The following RIMS1 variants were observed in gnomAD, a reference collection of about 807,000 sequenced individuals.
The protein encoded by RIMS1 is regulating synaptic membrane exocytosis 1.
Under a neutral mutation model 214.1 loss-of-function variants are expected in RIMS1, and 83 were observed. The observed-to-expected ratio is 0.39, with a 90% CI of 0.32 to 0.47. RIMS1 has a LOEUF of 0.47. Ranked by LOEUF, RIMS1 falls within the 20% of genes least tolerant of loss-of-function variation. The pLI is 0.99. For synonymous variants in RIMS1, 793 were observed against 786.8 expected (o/e 1.01, Z -0.13); for missense variants, 2,050 against 2,161.8 (o/e 0.95, Z 1.03).
intron 2 of RIMS1, among the ~76,000 whole-genome samples, chr6:72,009,159 G>C (rs1809188942): frequency 6.6e-6 from 1 of 152,290 alleles, no homozygotes; most frequent in East Asian, 1.9e-4. Context: ...TAGAACTCAG[G>C]ATTAAGAAAC....
At position 72,116,708 on chromosome 6, in the gene RIMS1, G is replaced by T. The variant is rs190229904; in HGVS notation, c.471+16722G>T. ...ATAGCCATAGATAATACAAATAGAT[G>T]TGGCCATGATCCAATAAATTTACAT... On this transcript the variant is annotated intron_variant, in intron 4 of 33. Coordinates refer to ENST00000521978, the MANE Select transcript of RIMS1 (RefSeq NM_014989.7). 4.9e-3 allele frequency among the ~76,000 whole-genome samples: 746 copies of T among 152,042 alleles called. 6 individuals are homozygous for T. The highest frequency in any genetic ancestry group is 0.017 in the African/African-American group (689 of 41,526).
intron 18 of RIMS1, among the ~76,000 whole-genome samples, chr6:72,259,940 G>A (rs1330741466): frequency 1.3e-5 from 2 of 152,134 alleles, no homozygotes; most frequent in Non-Finnish European, 2.9e-5. Flanking sequence ...AGGACACAAA[G>A]TAGAACTTCT....
At chr6:72,016,603 A>G (rs1236505048) in intron 2 of RIMS1, among the ~76,000 whole-genome samples, 1 of 152,194 alleles carries the variant, frequency 6.6e-6, no homozygotes, top group Non-Finnish European at 1.5e-5. Context: ...GTTAATTTCA[A>G]AAGTTCTCAA....
At position 72,299,184 on chromosome 6, in the gene RIMS1, A is replaced by G. The variant is rs748891155; in HGVS notation, c.3850+7138A>G. 9.9e-5 allele frequency among the ~76,000 whole-genome samples: 15 copies of G among 152,078 alleles called. 1 individual carries two copies. The South Asian group carries it at 2.5e-3, about 25-fold the overall frequency. On this transcript the variant is annotated intron_variant, in intron 26 of 33. Transcript: ENST00000521978. ...GAAATTAAATGACTTCAAGGTGAGA[A>G]AAATGTTATTGTCGTAATAAATTTA...
intron 9 of RIMS1, among the ~76,000 whole-genome samples, chr6:72,241,192 T>C (rs887287573): frequency 6.6e-6 from 1 of 152,194 alleles, no homozygotes; most frequent in Non-Finnish European, 1.5e-5. Flanking sequence ...TAGGTATACA[T>C]TGAAAAGATT....
chr6:71,956,122 A>G (rs531852151), intron 1 of RIMS1, among the ~76,000 whole-genome samples: 90 of 152,234 alleles, frequency 5.9e-4, no homozygotes, highest in African/African-American at 2.1e-3. Flanking sequence ...TGTATGTATG[A>G]ACAGTAGAAA....
chr6:72,342,384 G>A (rs941496660), intron 29 of RIMS1, among the ~76,000 whole-genome samples: 1 of 151,682 alleles, frequency 6.6e-6, no homozygotes, highest in East Asian at 1.9e-4. Context: ...AGGGCTAAAA[G>A]GTCTACAATG....
intron 1 of RIMS1, among the ~76,000 whole-genome samples, chr6:71,959,413 G>A (rs1792244445): frequency 6.6e-6 from 1 of 152,040 alleles, no homozygotes; most frequent in South Asian, 2.1e-4. Flanking sequence ...TCCCAGATGA[G>A]GGAGGAAAAT....
intron 2 of RIMS1, among the ~76,000 whole-genome samples, chr6:72,037,616 A>T (rs1820028760): frequency 6.6e-6 from 1 of 152,086 alleles, no homozygotes; most frequent in South Asian, 2.1e-4. Flanking sequence ...GTAGACCATG[A>T]AACCATCATT....
chr6:72,109,703 T>G lies in RIMS1; in HGVS notation c.471+9717T>G, dbSNP rs546771387. ...GTTGCTGTGCAGAAGCTCTTTAGTT[T>G]AATTAGATCCCATTTGTCAATTTTG... On this transcript the variant is annotated intron_variant, in intron 4 of 33. Coordinates refer to ENST00000521978, the MANE Select transcript of RIMS1 (RefSeq NM_014989.7). Among the ~76,000 whole-genome samples the G allele has an allele frequency of 1.6e-4, 24 of 152,334 alleles. No homozygotes were observed. The East Asian group carries it at 3.7e-3, about 23-fold the overall frequency.
At chr6:72,105,581 A>G (rs1193698864) in intron 4 of RIMS1, among the ~76,000 whole-genome samples, 1 of 152,146 alleles carries the variant, frequency 6.6e-6, no homozygotes, top group African/African-American at 2.4e-5. Context: ...TTATGACTAC[A>G]TTAGGTTAAA....
intron 29 of RIMS1, among the ~76,000 whole-genome samples, chr6:72,364,503 A>G (rs2097922732): frequency 6.6e-6 from 1 of 152,174 alleles, no homozygotes; most frequent in Non-Finnish European, 1.5e-5. Context: ...ATACTAATCA[A>G]TTGACTAATT....
At chr6:72,353,976 T>A (rs1229771144) in intron 29 of RIMS1, among the ~76,000 whole-genome samples, 1 of 151,874 alleles carries the variant, frequency 6.6e-6, no homozygotes, top group African/African-American at 2.4e-5. Context: ...TCCCAGCAAT[T>A]TGGGAGGCCG....
At chr6:72,363,805 C>T (rs2097902909) in intron 29 of RIMS1, among the ~76,000 whole-genome samples, 1 of 152,202 alleles carries the variant, frequency 6.6e-6, no homozygotes. Context: ...CATCAACCAA[C>T]TGGTTAAAGG....
At chr6:72,222,481 A>T (rs989785926) in intron 6 of RIMS1, among the ~76,000 whole-genome samples, 1 of 152,104 alleles carries the variant, frequency 6.6e-6, no homozygotes, top group African/African-American at 2.4e-5. Context: ...TAATCTTTAA[A>T]TTAAATTCAT....
chr6:72,339,406 T>C (rs2096963529), intron 29 of RIMS1, among the ~76,000 whole-genome samples: 1 of 151,964 alleles, frequency 6.6e-6, no homozygotes, highest in South Asian at 2.1e-4. Context: ...TAGCATTAGG[T>C]ATATCTCCTA....
chr6:72,322,470 T>C (rs536382203), intron 28 of RIMS1, among the ~76,000 whole-genome samples: 1 of 152,250 alleles, frequency 6.6e-6, no homozygotes, highest in South Asian at 2.1e-4. Context: ...TCTACCCTTA[T>C]TCAAAAATAA....
chr6:72,143,753 A>G (rs1668214678), intron 4 of RIMS1, among the ~76,000 whole-genome samples: 2 of 152,218 alleles, frequency 1.3e-5, no homozygotes, highest in African/African-American at 2.4e-5. Context: ...AGAGGATACA[A>G]TTAATTTCTA....
chr6:72,224,697 T>G lies in RIMS1; in HGVS notation c.1679-9076T>G, dbSNP rs565435652. On this transcript the variant is annotated intron_variant, in intron 6 of 33. Transcript: ENST00000521978. ...ACGTAGTTTGCTTTTTAATGAAACA[T>G]GTATATACAATCTATATGGATTTGT... 1.4e-4 allele frequency among the ~76,000 whole-genome samples: 21 copies of G among 152,342 alleles called. No individual in the cohort carries two copies. In the South Asian group the frequency reaches 3.3e-3, roughly 24 times the overall value.
Sources: allele counts gnomAD v4.1 joint callset (sites outside exome capture counted in the v4.1 genomes callset), GRCh38; gene constraint gnomAD v4.1.1; transcripts MANE v1.5; gene names NCBI Gene and HGNC (gene_info 2026-07-23, HGNC 2026-07-21).